PIR: variants seen among roughly 807,000 people sequenced by gnomAD.
The protein encoded by PIR is pirin.
PIR carries 22 observed loss-of-function variants against 24.2 expected under a neutral mutation model. The ratio of observed to expected loss-of-function variants is 0.91; its 90% confidence interval spans 0.65 to 1.30. The LOEUF is 1.30. Ranked by LOEUF, PIR falls within the 50% of genes most tolerant of loss-of-function variation. The pLI is 0.00. For synonymous variants in PIR, 80 were observed against 79.6 expected (o/e 1.00, Z -0.03); for missense variants, 220 against 220.3 (o/e 1.00, Z 0.01).
intron 5 of PIR, among the ~76,000 whole-genome samples, chrX:15,444,709 G>T (rs1160841254): frequency 1.8e-5 from 2 of 111,489 alleles, no homozygotes; most frequent in African/African-American, 6.5e-5. Flanking sequence ...GTAACAGATG[G>T]CCTCAAATCC....
intron 8 of PIR, among the ~76,000 whole-genome samples, chrX:15,394,983 T>A (rs1602241330): frequency 9.1e-6 from 1 of 110,308 alleles, no homozygotes; most frequent in South Asian, 3.9e-4. Context: ...AAAGGAAGAG[T>A]AGTAAAAGTG....
intron 6 of PIR, among the ~76,000 whole-genome samples, chrX:15,413,266 G>A (rs1411640730): frequency 1.8e-5 from 2 of 111,495 alleles, no homozygotes; most frequent in Non-Finnish European, 3.8e-5. Context: ...GCCAGAGAAG[G>A]GTCATTGCTA....
At chrX:15,469,698 T>C (rs762786822) in intron 3 of PIR, among the ~76,000 whole-genome samples, 2 of 111,297 alleles carry the variant, frequency 1.8e-5, no homozygotes, top group African/African-American at 3.3e-5. Flanking sequence ...TGTAGTAAGT[T>C]ATAAGCGACT....
chrX:15,428,706 G>A (rs180937644), intron 5 of PIR, among the ~76,000 whole-genome samples: 20 of 109,026 alleles, frequency 1.8e-4, no homozygotes, highest in Admixed American at 4.9e-4. Flanking sequence ...ATGGGATTTC[G>A]CCATGTTGCC....
chrX:15,415,356 G>A (rs1924878216), intron 6 of PIR, among the ~76,000 whole-genome samples: 1 of 111,758 alleles, frequency 8.9e-6, no homozygotes, highest in Non-Finnish European at 1.9e-5. Flanking sequence ...TATAATGATT[G>A]TTATTACTAT....
intron 5 of PIR, among the ~76,000 whole-genome samples, chrX:15,446,902 C>T (rs1309917865): frequency 2.7e-5 from 3 of 111,821 alleles, no homozygotes; most frequent in Non-Finnish European, 3.8e-5. Context: ...GCCCCCGGAT[C>T]TGCAATGGAT....
At chrX:15,442,322 ATG>A (rs1435126966) in intron 5 of PIR, among the ~76,000 whole-genome samples, 2 of 111,414 alleles carry the variant, frequency 1.8e-5, no homozygotes, top group Non-Finnish European at 3.8e-5. Context: ...TAACTGATAA[ATG>A]TGTGTTCTGA....
intron 9 of PIR, among the ~76,000 whole-genome samples, chrX:15,389,014 T>A (rs1352524150): frequency 9.0e-6 from 1 of 111,591 alleles, no homozygotes; most frequent in African/African-American, 3.3e-5. Context: ...GACCCCAGTG[T>A]AGGGTGGCTT....
chrX:15,445,193 C>A, intron 5 of PIR, among the ~76,000 whole-genome samples: 1 of 111,273 alleles, frequency 9.0e-6, no homozygotes. Context: ...ACAGAAGAGC[C>A]TTGTTCTGGA....
chrX:15,390,679 T>A (rs1602239275), intron 8 of PIR, among the ~76,000 whole-genome samples: 2 of 111,504 alleles, frequency 1.8e-5, no homozygotes, highest in South Asian at 7.5e-4. Flanking sequence ...ATGTAAAATA[T>A]GCCCCGGAAA....
At chrX:15,475,460 A>C (rs780615362) in intron 3 of PIR, among the ~76,000 whole-genome samples, 2 of 111,657 alleles carry the variant, frequency 1.8e-5, no homozygotes, top group Non-Finnish European at 3.8e-5. Context: ...TTAATTAAAC[A>C]GGAGTGACCA....
chrX:15,481,208 T>G (rs1268189677), intron 2 of PIR, among the ~76,000 whole-genome samples: 2 of 112,554 alleles, frequency 1.8e-5, no homozygotes, highest in Non-Finnish European at 3.8e-5. Flanking sequence ...GTTATCTGTA[T>G]AAATAGAACT....
At chrX:15,477,354 A>G (rs1922247077) in intron 3 of PIR, among the ~76,000 whole-genome samples, 1 of 111,640 alleles carries the variant, frequency 9.0e-6, no homozygotes, top group Non-Finnish European at 1.9e-5. Context: ...GAATTAGAGA[A>G]TACTAGACCA....
intron 7 of PIR, among the ~76,000 whole-genome samples, chrX:15,399,226 G>A (rs1232134677): frequency 8.9e-6 from 1 of 112,538 alleles, no homozygotes; most frequent in African/African-American, 3.2e-5. Context: ...TGACAAGTTG[G>A]AGCTGAATAA....
intron 3 of PIR, among the ~76,000 whole-genome samples, chrX:15,469,933 G>T (rs969610929): frequency 8.9e-6 from 1 of 111,856 alleles, no homozygotes; most frequent in Admixed American, 9.5e-5. Flanking sequence ...TAAGTGAGTG[G>T]CAGAAGGAGT....
At position 15,493,187 on chromosome X, in the gene PIR, C is replaced by T. The variant is rs1211705537; in HGVS notation, c.-53+3G>A. On this transcript the variant is annotated splice_donor_region_variant and intron_variant, in intron 1 of 9. Coordinates refer to ENST00000380420, the MANE Select transcript of PIR (RefSeq NM_001018109.3). ...GACCCCTGCAGGAGCCCCAGGTACT[C>T]ACGCTGCGGTAGCGGCACCTGGAGC... 1 of 113,130 alleles carries T rather than the reference C, an allele frequency of 8.8e-6. No individual in the cohort carries two copies. Among genetic ancestry groups the T allele is most frequent in the Non-Finnish European group, 1.9e-5 (1 of 53,358 alleles). 9.3% of individuals were successfully genotyped at this position (113,130 alleles called of 1,213,427 possible).
At chrX:15,394,462 T>C (rs1924060662) in intron 8 of PIR, among the ~76,000 whole-genome samples, 1 of 112,163 alleles carries the variant, frequency 8.9e-6, no homozygotes, top group Non-Finnish European at 1.9e-5. Flanking sequence ...TACAGTGAAG[T>C]ATGGCTTTGA....
At chrX:15,393,742 G>A (rs1248889040) in intron 8 of PIR, among the ~76,000 whole-genome samples, 4 of 107,149 alleles carry the variant, frequency 3.7e-5, no homozygotes, top group Non-Finnish European at 7.7e-5. Context: ...CATCAACCCC[G>A]GATGGGACCA....
At chrX:15,436,758 C>A (rs1925762865) in intron 5 of PIR, among the ~76,000 whole-genome samples, 1 of 112,513 alleles carries the variant, frequency 8.9e-6, no homozygotes, top group Admixed American at 9.4e-5. Context: ...GAAAGTGCAT[C>A]AAGATGTAAC....
Sources: gnomAD v4.1 joint callset for allele counts (sites outside exome capture counted in the v4.1 genomes callset) on GRCh38, gnomAD v4.1.1 for gene constraint, MANE v1.5 for transcripts, NCBI Gene and HGNC (gene_info 2026-07-23, HGNC 2026-07-21) for gene names.